The following POU6F2 variants were observed in gnomAD, a reference collection of about 807,000 sequenced individuals.
The protein encoded by POU6F2 is POU domain, class 6, transcription factor 2.
A neutral mutation model predicts 71.3 loss-of-function variants in POU6F2; 31 were observed. The ratio of observed to expected loss-of-function variants is 0.43; its 90% CI spans 0.33 to 0.59. The LOEUF is 0.59. Ranked by LOEUF, POU6F2 falls within the 20% of genes least tolerant of loss-of-function variation. The probability of loss-of-function intolerance (pLI) is 0.04; values close to 1 mark genes in which losing one functional copy is unlikely to be tolerated. For missense variants in POU6F2, 783 were observed against 856.8 expected (o/e 0.91, Z 1.07); for synonymous variants, 347 against 355.7 (o/e 0.98, Z 0.27).
intron 1 of POU6F2, among the ~76,000 whole-genome samples, chr7:39,024,360 G>C (rs866378406): frequency 2.7e-4 from 41 of 152,064 alleles, no homozygotes; most frequent in South Asian, 1.7e-3. Flanking sequence ...GATTTTGTAT[G>C]CTGAGACTTT....
intron 5 of POU6F2, among the ~76,000 whole-genome samples, chr7:39,382,318 G>C (rs1786845784): frequency 6.6e-6 from 1 of 152,196 alleles, no homozygotes; most frequent in South Asian, 2.1e-4. Context: ...GGTTCAGAGA[G>C]ACAGAACCTC....
At chr7:39,354,412 T>TG (rs1292088446) in intron 5 of POU6F2, among the ~76,000 whole-genome samples, 2 of 152,218 alleles carry the variant, frequency 1.3e-5, no homozygotes, top group African/African-American at 4.8e-5. Context: ...CTTGCCAACA[T>TG]GGTTCTTCAA....
intron 5 of POU6F2, among the ~76,000 whole-genome samples, chr7:39,395,373 C>T (rs2115849501): frequency 6.6e-6 from 1 of 152,298 alleles, no homozygotes; most frequent in African/African-American, 2.4e-5. Flanking sequence ...AAGCCTGTTC[C>T]TCTCACCTTC....
At chr7:39,462,331 C>T (rs1295767092) in intron 9 of POU6F2, among the ~76,000 whole-genome samples, 2 of 152,170 alleles carry the variant, frequency 1.3e-5, no homozygotes, top group Non-Finnish European at 1.5e-5. Flanking sequence ...GAGCTATCTA[C>T]CAAGAAAAGA....
chr7:38,992,733 C>T (rs531846821), intron 1 of POU6F2, among the ~76,000 whole-genome samples: 6 of 152,264 alleles, frequency 3.9e-5, no homozygotes, highest in East Asian at 3.9e-4. Context: ...TCTGAACTAA[C>T]GCTTTGCCAC....
chr7:39,137,941 A>G (rs1403053854), intron 2 of POU6F2, among the ~76,000 whole-genome samples: 1 of 152,224 alleles, frequency 6.6e-6, no homozygotes, highest in Admixed American at 6.5e-5. Context: ...GAAGAGGCCT[A>G]CACCTAACTT....
chr7:39,342,982 C>T (rs1337149080), intron 5 of POU6F2, among the ~76,000 whole-genome samples: 1 of 152,094 alleles, frequency 6.6e-6, no homozygotes, highest in East Asian at 1.9e-4. Flanking sequence ...TATAGGAGGT[C>T]TGGTGGTCTA....
At chr7:39,124,415 A>AC (rs1240601039) in intron 2 of POU6F2, among the ~76,000 whole-genome samples, 1 of 152,222 alleles carries the variant, frequency 6.6e-6, no homozygotes, top group African/African-American at 2.4e-5. Context: ...TTGGTGATCA[A>AC]CAACTATATT....
intron 4 of POU6F2, among the ~76,000 whole-genome samples, chr7:39,211,960 G>T (rs1415082238): frequency 6.6e-6 from 1 of 151,982 alleles, no homozygotes. Flanking sequence ...TCCAATTCAT[G>T]TACCTGTCAG....
In POU6F2 at chr7:39,441,464, A is replaced by C. The variant is rs149553400; in HGVS notation, c.1320+8181A>C. 2.3e-3 allele frequency among the ~76,000 whole-genome samples: 357 copies of C among 152,244 alleles called. 1 individual carries two copies. Among genetic ancestry groups the C allele is most frequent in the Non-Finnish European group, 4.1e-3 (276 of 68,026 alleles). ...GGAGCAAGGGAAGAAAAAAAATCAGAAAAAAATATGAGAAGCAAGGGAAGG... is the reference window on the plus strand; with the variant it reads ...GGAGCAAGGGAAGAAAAAAAATCAGCAAAAAATATGAGAAGCAAGGGAAGG... On this transcript the variant is annotated intron_variant, in intron 7 of 9. Transcript: ENST00000518318.
At chr7:39,118,617 A>G (rs1435116855) in intron 2 of POU6F2, among the ~76,000 whole-genome samples, 1 of 152,228 alleles carries the variant, frequency 6.6e-6, no homozygotes, top group Non-Finnish European at 1.5e-5. Context: ...CAAACAGGAT[A>G]GAAAAAATTA....
intron 2 of POU6F2, among the ~76,000 whole-genome samples, chr7:39,184,317 CA>C (rs902651300): frequency 6.6e-6 from 1 of 152,086 alleles, no homozygotes; most frequent in Non-Finnish European, 1.5e-5. Flanking sequence ...AAAATAACCA[CA>C]AAAAATATCA....
At chr7:39,402,351 A>G (rs965306397) in intron 5 of POU6F2, among the ~76,000 whole-genome samples, 3 of 152,230 alleles carry the variant, frequency 2.0e-5, no homozygotes, top group African/African-American at 7.2e-5. Context: ...ATGAGCACCA[A>G]ATATCCATAT....
intron 6 of POU6F2, among the ~76,000 whole-genome samples, chr7:39,419,990 G>GAT (rs1787815866): frequency 6.6e-6 from 1 of 152,198 alleles, no homozygotes; most frequent in East Asian, 1.9e-4. Context: ...GGGCCACAGA[G>GAT]ATATTACCTG....
intron 1 of POU6F2, among the ~76,000 whole-genome samples, chr7:39,082,334 T>C (rs1791138356): frequency 6.6e-6 from 1 of 152,230 alleles, no homozygotes; most frequent in Non-Finnish European, 1.5e-5. Context: ...CTAGTCACTT[T>C]CTTCTGTCGG....
At chr7:39,453,838 C>A (rs1459114891) in intron 8 of POU6F2, among the ~76,000 whole-genome samples, 1 of 152,136 alleles carries the variant, frequency 6.6e-6, no homozygotes, top group African/African-American at 2.4e-5. Context: ...TTACCACATG[C>A]AATTGAAGCC....
chr7:39,129,527 G>A (rs1792211248), intron 2 of POU6F2, among the ~76,000 whole-genome samples: 1 of 151,960 alleles, frequency 6.6e-6, no homozygotes, highest in Non-Finnish European at 1.5e-5. Flanking sequence ...GCATTCTTTG[G>A]CATTTAACCC....
intron 2 of POU6F2, among the ~76,000 whole-genome samples, chr7:39,136,789 T>C (rs2128730881): frequency 6.7e-6 from 1 of 148,756 alleles, no homozygotes; most frequent in East Asian, 2.0e-4. Flanking sequence ...AGACCAAGAG[T>C]TCAAGGTCAG....
At chr7:39,402,590 C>T (rs1328464258) in intron 5 of POU6F2, among the ~76,000 whole-genome samples, 1 of 152,078 alleles carries the variant, frequency 6.6e-6, no homozygotes, top group African/African-American at 2.4e-5. Context: ...AAGGTAATGT[C>T]TTCTCTTGCT....
Sources: allele counts gnomAD v4.1 joint callset (sites outside exome capture counted in the v4.1 genomes callset), GRCh38; gene constraint gnomAD v4.1.1; transcripts MANE v1.5; gene names NCBI Gene and HGNC (gene_info 2026-07-23, HGNC 2026-07-21).